Variants in ZSWIM5 observed in about 807,000 individuals in gnomAD.
The protein encoded by ZSWIM5 is zinc finger SWIM domain-containing protein 5.
ZSWIM5 carries 55 observed loss-of-function variants against 119.6 expected under a neutral mutation model. That is an observed-to-expected ratio of 0.46 (90% CI 0.37 to 0.58). The LOEUF is 0.58. Among genes scored for constraint, ZSWIM5 ranks in the 20% least tolerant of loss-of-function variants. The pLI, the probability that ZSWIM5 is intolerant of heterozygous loss-of-function variation, is 0.00. For missense variants in ZSWIM5, 1,193 were observed against 1,512.8 expected (o/e 0.79, Z 3.51); for synonymous variants, 537 against 606.9 (o/e 0.88, Z 1.69).
intron 11 of ZSWIM5, among the ~76,000 whole-genome samples, chr1:45,032,979 G>T (rs913596919): frequency 3.9e-5 from 6 of 151,922 alleles, no homozygotes; most frequent in Non-Finnish European, 7.4e-5. Context: ...GATGTGCCAT[G>T]GTATAGTTTT....
chr1:45,107,960 C>T (rs189366757), intron 1 of ZSWIM5, among the ~76,000 whole-genome samples: 1 of 152,094 alleles, frequency 6.6e-6, no homozygotes, highest in South Asian at 2.1e-4. Context: ...CCATGTCCAG[C>T]TAATGTTTTA....
intron 1 of ZSWIM5, among the ~76,000 whole-genome samples, chr1:45,102,802 T>C (rs530592711): frequency 5.9e-5 from 9 of 152,204 alleles, no homozygotes; most frequent in Non-Finnish European, 7.3e-5. Context: ...TTTGGTATAA[T>C]ATTGAAACAC....
In ZSWIM5 at chr1:45,183,100, A is replaced by C. The variant is rs866218506; in HGVS notation, c.595+22656T>G. 6.6e-5 allele frequency among the ~76,000 whole-genome samples: 10 copies of C among 152,304 alleles called. No individual in the cohort carries two copies. The South Asian group carries it at 1.5e-3, about 22-fold the overall frequency. On this transcript the variant is annotated intron_variant, in intron 1 of 13. Coordinates refer to ENST00000359600, the MANE Select transcript of ZSWIM5 (RefSeq NM_020883.2). ...GAACTCAGGATTAAGAAACTCACTCAAGTCCGCTCAACTACATGGAAACTG... is the reference window on the plus strand; with the variant it reads ...GAACTCAGGATTAAGAAACTCACTCCAGTCCGCTCAACTACATGGAAACTG...
chr1:45,054,170 T>C (rs1054571955), intron 4 of ZSWIM5, among the ~76,000 whole-genome samples: 5 of 151,944 alleles, frequency 3.3e-5, no homozygotes, highest in African/African-American at 1.2e-4. Flanking sequence ...CCCAGCTACT[T>C]GGGAGGCTGA....
chr1:45,064,484 T>C (rs1210675784), intron 2 of ZSWIM5, among the ~76,000 whole-genome samples: 1 of 152,224 alleles, frequency 6.6e-6, no homozygotes, highest in Non-Finnish European at 1.5e-5. Context: ...GTCCTATGCT[T>C]CTTTTATATC....
intron 1 of ZSWIM5, among the ~76,000 whole-genome samples, chr1:45,111,962 C>T (rs1169874188): frequency 6.6e-6 from 1 of 152,204 alleles, no homozygotes; most frequent in African/African-American, 2.4e-5. Flanking sequence ...TGAAATTGCA[C>T]ATGCTGGAGT....
At chr1:45,178,757 A>C (rs1268661765) in intron 1 of ZSWIM5, among the ~76,000 whole-genome samples, 1 of 152,096 alleles carries the variant, frequency 6.6e-6, no homozygotes, top group African/African-American at 2.4e-5. Context: ...TTTGAGACAG[A>C]GTACTCTATT....
At chr1:45,046,861 T>C (rs537026641) in intron 5 of ZSWIM5, among the ~76,000 whole-genome samples, 6 of 151,728 alleles carry the variant, frequency 4.0e-5, no homozygotes, top group African/African-American at 1.5e-4. Flanking sequence ...CCATCTCTAC[T>C]GAAAATACAA....
chr1:45,169,683 G>C (rs948893650), intron 1 of ZSWIM5, among the ~76,000 whole-genome samples: 13 of 151,870 alleles, frequency 8.6e-5, no homozygotes, highest in African/African-American at 3.1e-4. Flanking sequence ...TTCTATCTTT[G>C]TATTCCTAAC....
chr1:45,176,121 T>C (rs181506001), intron 1 of ZSWIM5, among the ~76,000 whole-genome samples: 214 of 149,318 alleles, frequency 1.4e-3, no homozygotes, highest in Non-Finnish European at 1.6e-3. Flanking sequence ...GCCCTCTCAG[T>C]TAACTGAATG....
intron 1 of ZSWIM5, among the ~76,000 whole-genome samples, chr1:45,095,971 C>G (rs1451011291): frequency 6.6e-6 from 1 of 152,126 alleles, no homozygotes. Context: ...ACAACCACCA[C>G]AAAAATTGCT....
intron 2 of ZSWIM5, among the ~76,000 whole-genome samples, chr1:45,065,906 C>T (rs1390874607): frequency 2.0e-5 from 3 of 151,494 alleles, no homozygotes; most frequent in African/African-American, 7.3e-5. Flanking sequence ...TACATGTGCA[C>T]AATGTGCAGG....
Position 45,088,153 on chromosome 1 carries a change from C to T in ZSWIM5, c.680G>A (p.Arg227Gln), listed in dbSNP as rs375121620. ...ACATGTCACTGAGGTGATTTTGCATCGATCAAAACTGATTGCAACTTTATA... is the reference window on the plus strand; with the variant it reads ...ACATGTCACTGAGGTGATTTTGCATTGATCAAAACTGATTGCAACTTTATA... ...VTYKVAISFD[R>Q]CKITSVTCGC... The change falls in exon 2 of 14, where the codon CGA becomes CAA. Residue 227 changes from arginine to glutamine, a missense_variant. Arg to Gln is a conservative substitution (Grantham distance 43). Transcript: ENST00000359600. This position sits in a 1 kb window ranked among gnomAD's most constrained non-coding sequence, Gnocchi z 4.2. 4 of 1,613,996 alleles carry T rather than the reference C, an allele frequency of 2.5e-6. No individual in the cohort carries two copies. The highest frequency in any genetic ancestry group is 2.2e-5 in the East Asian group (1 of 44,890).
Position 45,038,994 on chromosome 1 carries a change from C to G in ZSWIM5, c.1836G>C (p.Leu612=). 1 of 1,614,132 alleles carries G rather than the reference C, an allele frequency of 6.2e-7. No homozygotes were observed. Among genetic ancestry groups the G allele is most frequent in the Non-Finnish European group, 8.5e-7 (1 of 1,180,030 alleles). The part of the protein sequence containing the change: ...VGHPLDPIDC[L]FLTLTEACRL... ...GGCAGGCCTCAGTCAAAGTGAGAAA[C>G]AGGCAGTCGATGGGATCCAGGGGGT... Residue 612 remains leucine, a synonymous_variant, in exon 8 of 14, where the codon CTG becomes CTC. Coordinates refer to ENST00000359600, the MANE Select transcript of ZSWIM5 (RefSeq NM_020883.2).
rs939763667 is a variant in ZSWIM5, at chr1:45,043,276, A to T, written c.1552T>A (p.Cys518Ser). Residue 518 changes from cysteine (C) to serine (S), a missense_variant, in exon 6 of 14, where the codon TGC becomes AGC. By Grantham distance (112) the Cys-to-Ser change is moderately radical. This residue lies in a region of ZSWIM5 where 961 missense variants were observed against 1,290.0 expected (regional missense o/e 0.74). Coordinates refer to ENST00000359600, the MANE Select transcript of ZSWIM5 (RefSeq NM_020883.2). ...AGTAGTCTTTCACTTTCCCGCTGGC[A>T]GGCAGGAGCTGTATAAACATCACTG... ...ISSDVYTAPA[C>S]QRESERLLFN... The T allele has an allele frequency of 6.2e-7, 1 of 1,614,190 alleles. No homozygotes were observed. Among genetic ancestry groups the T allele is most frequent in the Non-Finnish European group, 8.5e-7 (1 of 1,180,014 alleles).
chr1:45,125,824 GGGAGGCCAAGGCA>G (rs1264211579), intron 1 of ZSWIM5, among the ~76,000 whole-genome samples: 1 of 151,544 alleles, frequency 6.6e-6, no homozygotes, highest in Non-Finnish European at 1.5e-5. Flanking sequence ...CCAGCATTTT[GGGAGGCCAAGGCA>G]GGAGAATCGC....
At chr1:45,074,808 ATTGT>A (rs1162517966) in intron 2 of ZSWIM5, among the ~76,000 whole-genome samples, 3 of 151,380 alleles carry the variant, frequency 2.0e-5, no homozygotes, top group Non-Finnish European at 4.4e-5. Flanking sequence ...GCATCATTAG[ATTGT>A]TTATTTGAAG....
At chr1:45,068,107 C>CTTT (rs71040545) in intron 2 of ZSWIM5, among the ~76,000 whole-genome samples, 21 of 113,282 alleles carry the variant, frequency 1.9e-4, no homozygotes, top group Admixed American at 5.4e-4. Context: ...TTTTTTTTTT[C>CTTT]TTTTTTTTTT....
At position 45,016,502 on chromosome 1, in the gene ZSWIM5, A is replaced by G. The variant is rs1644854384; in HGVS notation, c.*1952T>C. Reference sequence around the variant, plus strand: ...AAAGGGCAACTGTGATACAGAAATGAGAGTGGCTTCTCTCTTTTTTTTAAC... The same window carrying G: ...AAAGGGCAACTGTGATACAGAAATGGGAGTGGCTTCTCTCTTTTTTTTAAC... On this transcript the variant is annotated 3_prime_UTR_variant, in exon 14 of 14. Coordinates refer to ENST00000359600, the MANE Select transcript of ZSWIM5 (RefSeq NM_020883.2). The G allele has an allele frequency of 6.6e-6, 1 of 152,090 alleles. No homozygotes were observed. The highest frequency in any genetic ancestry group is 6.6e-5 in the Admixed American group (1 of 15,250). The allele number at this position is 152,090 out of a possible 1,614,324, so 9.4% of individuals were successfully genotyped here. A position where few individuals can be genotyped will look rare whatever the true frequency, so the allele number is the denominator to read the frequency against.
Sources: allele counts gnomAD v4.1 joint callset (sites outside exome capture counted in the v4.1 genomes callset), GRCh38; gene constraint gnomAD v4.1.1; regional missense constraint gnomAD v4.1.1; non-coding constraint Gnocchi (gnomAD v3.1); transcripts MANE v1.5; gene names NCBI Gene and HGNC (gene_info 2026-07-23, HGNC 2026-07-21).